Variants in ADAMTS20 observed in about 807,000 individuals in gnomAD.
The protein encoded by ADAMTS20 is A disintegrin and metalloproteinase with thrombospondin motifs 20.
ADAMTS20 carries 225 observed loss-of-function variants against 260.1 expected under a neutral mutation model. The observed-to-expected ratio is 0.87, with a 90% CI of 0.78 to 0.97. The LOEUF is 0.97. ADAMTS20 is among the 50% of genes least tolerant of loss of function. ADAMTS20 has a pLI of 0.00. For missense variants in ADAMTS20, 2,400 were observed against 2,337.7 expected (o/e 1.03, Z -0.55); for synonymous variants, 802 against 769.5 (o/e 1.04, Z -0.70).
At chr12:43,408,704 TAG>T (rs1940965953) in intron 28 of ADAMTS20, among the ~76,000 whole-genome samples, 1 of 152,240 alleles carries the variant, frequency 6.6e-6, no homozygotes, top group African/African-American at 2.4e-5. Context: ...GAGAATGTTT[TAG>T]AGATTAATTT....
chr12:43,420,348 AC>A (rs1565689056), intron 28 of ADAMTS20, among the ~76,000 whole-genome samples: 1 of 152,248 alleles, frequency 6.6e-6, no homozygotes, highest in Non-Finnish European at 1.5e-5. Context: ...CAATGAATGT[AC>A]TTTAGAAAGA....
chr12:43,432,718 T>G lies in ADAMTS20; in HGVS notation c.2814A>C (p.Glu938Asp), dbSNP rs758824170. 3.8e-5 allele frequency: 61 copies of G among 1,613,858 alleles called. No individual in the cohort carries two copies. In the Middle Eastern group the frequency reaches 4.9e-4, roughly 13 times the overall value. The change falls in exon 20 of 39, where the codon GAA (glutamate) becomes GAC (aspartate). Residue 938 changes from glutamate to aspartate, a missense_variant. Transcript: ENST00000389420. ...GGTCATCAACTTGAACAGTCTGTCCTTCATGAATGGAATACTTCATGCAAT... is the reference window on the plus strand; with the variant it reads ...GGTCATCAACTTGAACAGTCTGTCCGTCATGAATGGAATACTTCATGCAAT... Reference protein sequence around the residue: ...DIHCMKYSIHEGQTVQVDDHY... With the variant: ...DIHCMKYSIHDGQTVQVDDHY...
intron 3 of ADAMTS20, among the ~76,000 whole-genome samples, chr12:43,511,447 A>G (rs1592104075): frequency 2.0e-5 from 3 of 152,084 alleles, no homozygotes; most frequent in South Asian, 4.1e-4. Flanking sequence ...GTTGGGCAAT[A>G]TGTTCTGCCT....
intron 36 of ADAMTS20, among the ~76,000 whole-genome samples, chr12:43,371,252 T>C (rs1489672452): frequency 2.6e-5 from 4 of 152,216 alleles, no homozygotes; most frequent in African/African-American, 9.7e-5. Context: ...TTTTTGCCTC[T>C]TTTGTTAACT....
intron 37 of ADAMTS20, among the ~76,000 whole-genome samples, chr12:43,366,495 C>A (rs7967878): frequency 0.22 from 33,434 of 151,592 alleles, 4,356 homozygotes; most frequent in African/African-American, 0.35. Context: ...CTTCACCCAA[C>A]AACAACAGAA....
At chr12:43,533,358 A>G (rs1184002336) in intron 2 of ADAMTS20, among the ~76,000 whole-genome samples, 1 of 151,712 alleles carries the variant, frequency 6.6e-6, no homozygotes, top group African/African-American at 2.4e-5. Flanking sequence ...CCAAATCATG[A>G]GTGAACTCCC....
chr12:43,546,314 A>G (rs1440984868), intron 2 of ADAMTS20, among the ~76,000 whole-genome samples: 2 of 152,206 alleles, frequency 1.3e-5, no homozygotes, highest in African/African-American at 4.8e-5. Flanking sequence ...TACTCCATGT[A>G]TAAGTCAGAT....
intron 3 of ADAMTS20, among the ~76,000 whole-genome samples, chr12:43,513,631 A>G (rs912968368): frequency 6.6e-6 from 1 of 152,184 alleles, no homozygotes; most frequent in Non-Finnish European, 1.5e-5. Flanking sequence ...TTGCGGCACT[A>G]TTCACAGTAG....
chr12:43,501,477 G>GCACACA (rs1299065787), intron 4 of ADAMTS20, among the ~76,000 whole-genome samples: 255 of 62,254 alleles, frequency 4.1e-3, no homozygotes, highest in African/African-American at 9.3e-3. Flanking sequence ...GCGCGCGCGC[G>GCACACA]CGCGCACACA....
intron 7 of ADAMTS20, among the ~76,000 whole-genome samples, chr12:43,488,793 T>A (rs1406344835): frequency 3.9e-5 from 6 of 152,152 alleles, no homozygotes; most frequent in Admixed American, 3.3e-4. Flanking sequence ...ATTAAAAGTA[T>A]AAAGAAAAAA....
chr12:43,434,370 A>G lies in ADAMTS20; in HGVS notation c.2595T>C (p.Gly865=). The part of the protein sequence containing the change: ...PWEGCTKMCQ[G]LQRRNITCIH... ...TGCAAGTTATGTTTCTTCGCTGAAG[A>G]CCTTGGCCAAAGTCAAATGAAAATA... The change falls in exon 19 of 39, where the codon GGT becomes GGC. Residue 865 remains glycine, a splice_region_variant and synonymous_variant. Transcript: ENST00000389420. 1 of 1,574,394 alleles carries G rather than the reference A, an allele frequency of 6.4e-7. No homozygotes were observed. Among genetic ancestry groups the G allele is most frequent in the Non-Finnish European group, 8.6e-7 (1 of 1,160,392 alleles).
chr12:43,391,403 C>T (rs983436521), intron 29 of ADAMTS20, among the ~76,000 whole-genome samples: 1 of 152,126 alleles, frequency 6.6e-6, no homozygotes, highest in Non-Finnish European at 1.5e-5. Context: ...CCAGACTGAG[C>T]TCTTACTGTG....
At chr12:43,424,070 G>A in intron 28 of ADAMTS20, 2 of 587,438 alleles carry the variant, frequency 3.4e-6, no homozygotes, top group Non-Finnish European at 6.0e-6. Flanking sequence ...AAGATGTTTG[G>A]GTAGGGCAAA....
intron 37 of ADAMTS20, among the ~76,000 whole-genome samples, chr12:43,363,867 G>T (rs376866175): frequency 6.6e-6 from 1 of 152,098 alleles, no homozygotes; most frequent in Non-Finnish European, 1.5e-5. Context: ...ACTAATTGAG[G>T]CCATGGGGCC....
chr12:43,352,836 T>G (rs900868114), downstream of ADAMTS20, among the ~76,000 whole-genome samples: 2 of 152,194 alleles, frequency 1.3e-5, no homozygotes, highest in Non-Finnish European at 2.9e-5. Flanking sequence ...AAAAGATTCC[T>G]GGAAAATGTC....
intron 3 of ADAMTS20, among the ~76,000 whole-genome samples, chr12:43,521,642 T>A (rs1006336309): frequency 1.3e-5 from 2 of 152,210 alleles, no homozygotes; most frequent in African/African-American, 4.8e-5. Context: ...AATACAAATA[T>A]TTTTTAAAGC....
intron 2 of ADAMTS20, among the ~76,000 whole-genome samples, chr12:43,536,001 G>A (rs991764187): frequency 5.9e-5 from 9 of 151,964 alleles, no homozygotes; most frequent in African/African-American, 2.2e-4. Flanking sequence ...AGTCAGGTGA[G>A]GCTAAGTCAT....
rs780664023 is a variant in ADAMTS20, at chr12:43,551,139, G to A, written c.223C>T (p.Pro75Ser). ...GTGAAGCGATAGTGGGTTCGGAACG[G>A]CATGGGTTCCAGCGCCTCGGAGCTG... Reference protein sequence around the residue: ...KRSSEALEPMPFRTHYRFTAY... With the variant: ...KRSSEALEPMSFRTHYRFTAY... The change falls in exon 2 of 39, where the codon CCG becomes TCG. Residue 75 changes from proline (P) to serine (S), a missense_variant. Physicochemically the swap from Pro to Ser is moderately conservative, Grantham distance 74 (BLOSUM62 -1). Coordinates refer to ENST00000389420, the MANE Select transcript of ADAMTS20 (RefSeq NM_025003.5). This position sits in a 1 kb window ranked among gnomAD's most constrained non-coding sequence, Gnocchi z 4.6. The A allele has an allele frequency of 4.3e-6, 7 of 1,613,842 alleles. No individual in the cohort carries two copies. The highest frequency in any genetic ancestry group is 1.3e-5 in the African/African-American group (1 of 74,934).
rs977652578 is a variant in ADAMTS20, at chr12:43,502,374, A to G, written c.645T>C (p.Phe215=). ...ESQIKETSLP[F]HTYSNMNEDL... The stretch of plus-strand genomic sequence containing the variant: ...CTTCATTCATGTTGCTGTAGGTATG[A>G]AAGGGTAAACTGGTTTCCTTTATTT... The change falls in exon 4 of 39, where the codon TTT becomes TTC. Residue 215 remains phenylalanine (F), a synonymous_variant. Transcript: ENST00000389420. 1.2e-6 allele frequency: 2 copies of G among 1,603,452 alleles called. No homozygotes were observed. Among genetic ancestry groups the G allele is most frequent in the East Asian group, 4.5e-5 (2 of 44,592 alleles).
Sources: gnomAD v4.1 joint callset for allele counts (sites outside exome capture counted in the v4.1 genomes callset) on GRCh38, gnomAD v4.1.1 for gene constraint, Gnocchi (gnomAD v3.1) non-coding constraint, MANE v1.5 for transcripts, NCBI Gene and HGNC (gene_info 2026-07-23, HGNC 2026-07-21) for gene names.